Variants in KLHDC4 observed in about 807,000 individuals in gnomAD.
The protein encoded by KLHDC4 is kelch domain-containing protein 4.
KLHDC4 carries 90 observed loss-of-function variants against 62.4 expected under a neutral mutation model. That is an observed-to-expected ratio of 1.44 (90% CI 1.22 to 1.72). KLHDC4 has a LOEUF of 1.72. KLHDC4 is among the 40% of genes most tolerant of loss of function. The pLI, the probability that KLHDC4 is intolerant of heterozygous loss-of-function variation, is 0.00. For missense variants in KLHDC4, 1,025 were observed against 699.7 expected, an observed-to-expected ratio of 1.47 and a Z score of -5.25; for synonymous variants, 386 against 284.4, an observed-to-expected ratio of 1.36 and a Z score of -3.59.
chr16:87,703,713 G>T (rs145582072), downstream of KLHDC4, among the ~76,000 whole-genome samples: 1 of 152,204 alleles, frequency 6.6e-6, no homozygotes, highest in South Asian at 2.1e-4. Flanking sequence ...GAAAACGGGC[G>T]TGAGCTGGAC....
At chr16:87,755,163 G>T (rs373489030) in intron 4 of KLHDC4, 31 bp downstream of exon 4, 6 of 1,444,684 alleles carry the variant, frequency 4.2e-6, no homozygotes, top group South Asian at 1.1e-5. Context: ...TGGGAAGAGG[G>T]AGGGTGGCTG....
intron 13 of KLHDC4, chr16:87,702,474 C>T (rs1344683816): frequency 2.8e-6 from 1 of 359,560 alleles, no homozygotes; most frequent in Non-Finnish European, 5.5e-6. Flanking sequence ...CAAATGTAGC[C>T]ACATCAGAGC....
chr16:87,731,904 T>C (rs924251245), intron 5 of KLHDC4, among the ~76,000 whole-genome samples: 1 of 152,136 alleles, frequency 6.6e-6, no homozygotes, highest in Non-Finnish European at 1.5e-5. Context: ...TGTGAATGAA[T>C]CTTAAAAACA....
intron 2 of KLHDC4, among the ~76,000 whole-genome samples, chr16:87,758,180 G>A (rs1469691213): frequency 6.6e-6 from 1 of 152,220 alleles, no homozygotes; most frequent in Non-Finnish European, 1.5e-5. Context: ...AAAGAAACCA[G>A]TATTAAAAGC....
intron 5 of KLHDC4, among the ~76,000 whole-genome samples, chr16:87,732,573 T>C (rs1204661788): frequency 6.6e-6 from 1 of 152,026 alleles, no homozygotes; most frequent in Non-Finnish European, 1.5e-5. Context: ...CACACACAAA[T>C]AACACATAAA....
At chr16:87,735,301 AAAAAAAAAAAAAG>A (rs2041123187) in intron 5 of KLHDC4, among the ~76,000 whole-genome samples, 1 of 141,624 alleles carries the variant, frequency 7.1e-6, no homozygotes, top group Non-Finnish European at 1.5e-5. Flanking sequence ...CTCCGTCTCA[AAAAAAAAAAAAAG>A]AAAAAAAAAA....
chr16:87,707,200 C>G (rs184073315), downstream of KLHDC4, among the ~76,000 whole-genome samples: 1 of 152,232 alleles, frequency 6.6e-6, no homozygotes, highest in Admixed American at 6.5e-5. Context: ...TGGGAGTTAG[C>G]GCACCACAGC....
intron 10 of KLHDC4, among the ~76,000 whole-genome samples, chr16:87,708,895 G>C (rs906727357): frequency 6.6e-6 from 1 of 152,248 alleles, no homozygotes; most frequent in South Asian, 2.1e-4. Flanking sequence ...GTGTGACTAC[G>C]GCAGCAGAGG....
At chr16:87,702,006 C>G in exon 1 of KLHDC4, 1 of 456,332 alleles carries the variant, frequency 2.2e-6, no homozygotes, top group Middle Eastern at 3.3e-4. Context: ...AGCCCAGCAG[C>G]CAGGCAGCTC....
chr16:87,756,154 A>T (rs2077169910), intron 3 of KLHDC4: 1 of 355,258 alleles, frequency 2.8e-6, no homozygotes, highest in Non-Finnish European at 5.3e-6. Flanking sequence ...GCCAAGAGTG[A>T]TGACGGCAGA....
chr16:87,729,835 T>C (rs2040022896), intron 6 of KLHDC4, among the ~76,000 whole-genome samples: 1 of 152,210 alleles, frequency 6.6e-6, no homozygotes, highest in African/African-American at 2.4e-5. Context: ...GGGAGCTTGT[T>C]AAAATGCAGA....
chr16:87,753,704 G>A (rs536302772), intron 4 of KLHDC4, among the ~76,000 whole-genome samples: 2 of 152,022 alleles, frequency 1.3e-5, no homozygotes, highest in Non-Finnish European at 2.9e-5. Flanking sequence ...GGGAGGCTAA[G>A]GCAGGAGAAT....
exon 1 of KLHDC4, chr16:87,702,304 G>A (rs764813961): frequency 2.9e-5 from 13 of 456,082 alleles, no homozygotes; most frequent in South Asian, 1.1e-4. Context: ...CCGGTCTGCC[G>A]GGGGCTCCCA....
intron 5 of KLHDC4, among the ~76,000 whole-genome samples, chr16:87,733,915 G>C (rs973197204): frequency 6.6e-6 from 1 of 152,240 alleles, no homozygotes; most frequent in South Asian, 2.1e-4. Context: ...GATGGTTACA[G>C]CTTCAATCAC....
In KLHDC4 at chr16:87,708,468, T is replaced by C. The variant is rs2142902706; in HGVS notation, c.1448-2A>G. 1 of 1,597,490 alleles carries C rather than the reference T, an allele frequency of 6.3e-7. No individual in the cohort carries two copies. Among genetic ancestry groups the C allele is most frequent in the East Asian group, 2.2e-5 (1 of 44,562 alleles). On this transcript the variant is annotated splice_acceptor_variant, in intron 10 of 11. Transcript: ENST00000270583. LOFTEE classifies it high-confidence loss of function. ...TCTCCTCCAGCCACTCCTGAGTTTCTTCAAAAGCAGAATGAACGCACATAC... is the reference window on the plus strand; with the variant it reads ...TCTCCTCCAGCCACTCCTGAGTTTCCTCAAAAGCAGAATGAACGCACATAC...
Position 87,726,784 on chromosome 16 carries a change from T to G in KLHDC4, c.740A>C (p.Tyr247Ser), listed in dbSNP as rs751249294. The change falls in exon 7 of 12, where the codon TAT (tyrosine) becomes TCT (serine). Residue 247 changes from tyrosine (Y) to serine (S), a missense_variant. Coordinates refer to ENST00000270583, the MANE Select transcript of KLHDC4 (RefSeq NM_017566.4). ...SVTPQGGIVV[Y>S]GGYSKQRVKK... ...CCTTACCTGTTTCGAGTAGCCCCCATAGACGACGATGCCGCCCTGGGGAGT... is the reference window on the plus strand; with the variant it reads ...CCTTACCTGTTTCGAGTAGCCCCCAGAGACGACGATGCCGCCCTGGGGAGT... The G allele has an allele frequency of 1.3e-6, 2 of 1,515,962 alleles. No individual in the cohort carries two copies. Among genetic ancestry groups the G allele is most frequent in the Admixed American group, 1.9e-5 (1 of 53,150 alleles). The allele number at this position is 1,515,962 out of a possible 1,614,324, so 93.9% of individuals were successfully genotyped here.
chr16:87,708,097 A>C, intron 11 of KLHDC4, 22 bp from the exon 12 acceptor site: 29 of 604,146 alleles, frequency 4.8e-5, no homozygotes, highest in East Asian at 1.1e-4. Context: ...GGAGGAAGGA[A>C]TGAGAGAGAA....
At chr16:87,736,267 A>G (rs2041291230) in intron 5 of KLHDC4, among the ~76,000 whole-genome samples, 1 of 152,208 alleles carries the variant, frequency 6.6e-6, no homozygotes, top group Non-Finnish European at 1.5e-5. Flanking sequence ...TGGCAAGTAG[A>G]TGTCTCAACA....
In KLHDC4 at chr16:87,765,886, C is replaced by A; in HGVS notation, c.5G>T (p.Gly2Val). 6.4e-7 allele frequency: 1 copy of A among 1,551,350 alleles called. No homozygotes were observed. The highest frequency in any genetic ancestry group is 8.7e-7 in the Non-Finnish European group (1 of 1,146,938). Residue 2 changes from glycine to valine, a missense_variant, in exon 1 of 12, where the codon GGC (glycine) becomes GTC (valine). Physicochemically the swap from Gly to Val is moderately radical, Grantham distance 109 (BLOSUM62 -3). Transcript: ENST00000270583. ...CTTCTTCTCCTTCTTGCCCTTCTTG[C>A]CCATCTTGCCGGGTCCCAAGCCGCG... M[G>V]KKGKKEKKGR... is the part of the protein sequence containing the mutation.
Sources: allele counts gnomAD v4.1 joint callset (sites outside exome capture counted in the v4.1 genomes callset), GRCh38; gene constraint gnomAD v4.1.1; transcripts MANE v1.5; gene names NCBI Gene and HGNC (gene_info 2026-07-23, HGNC 2026-07-21).